The following UNC79 variants were observed in gnomAD, a reference collection of about 807,000 sequenced individuals.
UNC79 encodes the protein protein unc-79 homolog.
A neutral mutation model predicts 283.1 loss-of-function variants in UNC79; 37 were observed. The ratio of observed to expected loss-of-function variants is 0.13; its 90% CI spans 0.10 to 0.17. The LOEUF is 0.17. Among genes scored for constraint, UNC79 ranks in the 10% least tolerant of loss-of-function variants. UNC79 has a pLI of 1.00. For missense variants in UNC79, 2,272 were observed against 3,211.1 expected (o/e 0.71, Z 7.07); for synonymous variants, 1,107 against 1,200.2 (o/e 0.92, Z 1.61).
intron 47 of UNC79, among the ~76,000 whole-genome samples, chr14:93,699,849 C>T (rs2075401017): frequency 6.6e-6 from 1 of 152,062 alleles, no homozygotes; most frequent in Non-Finnish European, 1.5e-5. Context: ...GCTATAATTG[C>T]CATATTTATA....
At chr14:93,624,839 G>A (rs1054426943) in intron 30 of UNC79, among the ~76,000 whole-genome samples, 3 of 152,070 alleles carry the variant, frequency 2.0e-5, no homozygotes, top group African/African-American at 4.8e-5. Context: ...CCATCATCAG[G>A]AGTGAGGGAG....
At chr14:93,451,140 T>C (rs1308110814) in intron 1 of UNC79, among the ~76,000 whole-genome samples, 1 of 152,116 alleles carries the variant, frequency 6.6e-6, no homozygotes, top group African/African-American at 2.4e-5. Flanking sequence ...AAGATAAAGT[T>C]TTCCTCTTCC....
chr14:93,387,660 A>G (rs1223109438), intron 1 of UNC79, among the ~76,000 whole-genome samples: 1 of 152,242 alleles, frequency 6.6e-6, no homozygotes, highest in Non-Finnish European at 1.5e-5. Flanking sequence ...GAACTAACAC[A>G]TGGTCCTTCC....
Position 93,583,621 on chromosome 14 carries a change from C to G in UNC79, c.2803+1277C>G, listed in dbSNP as rs183579786. Among the ~76,000 whole-genome samples the G allele has an allele frequency of 1.1e-4, 16 of 152,268 alleles. No homozygotes were observed. In the East Asian group the frequency reaches 2.5e-3, roughly 24 times the overall value. On this transcript the variant is annotated intron_variant, in intron 20 of 48. Transcript: ENST00000555664. ...AATTTGAAGGAATACCTGAGGTGAG[C>G]TGGTTCACTGGTTTTCGGTGTGCAC...
At chr14:93,529,611 G>C (rs1214814070) in intron 10 of UNC79, among the ~76,000 whole-genome samples, 2 of 152,176 alleles carry the variant, frequency 1.3e-5, no homozygotes, top group Non-Finnish European at 2.9e-5. Flanking sequence ...GGGATTTTCT[G>C]TATCTGTAAC....
At position 93,371,076 on chromosome 14, in the gene UNC79, A is replaced by C. The variant is rs187453593; in HGVS notation, c.-351+37553A>C. Among the ~76,000 whole-genome samples, 688 of 151,824 alleles carry C rather than the reference A, an allele frequency of 4.5e-3. 4 individuals are homozygous for C. The highest frequency in any genetic ancestry group is 5.3e-3 in the Non-Finnish European group (362 of 67,970). On this transcript the variant is annotated intron_variant, in intron 1 of 49. Transcript: ENST00000256339. ...ACCTCCTGCCAAAAACCAAAACAAA[A>C]CAAAACAACAACAACAAAACAGGGG... is the stretch of plus-strand genomic sequence containing the variant.
chr14:93,591,799 A>G (rs1010602817), intron 22 of UNC79, among the ~76,000 whole-genome samples: 3 of 152,226 alleles, frequency 2.0e-5, no homozygotes. Flanking sequence ...AAACACAATG[A>G]AAAAGACGCG....
At chr14:93,630,981 T>A in intron 31 of UNC79, 73 bp downstream of exon 33, 6 of 1,351,024 alleles carry the variant, frequency 4.4e-6, no homozygotes, top group Non-Finnish European at 6.3e-6. Flanking sequence ...TGTTTTCAAT[T>A]TTCCCAATCT....
intron 1 of UNC79, among the ~76,000 whole-genome samples, chr14:93,459,955 C>T (rs930812100): frequency 5.5e-5 from 6 of 109,646 alleles, no homozygotes; most frequent in African/African-American, 1.4e-4. Context: ...TAGGCATGAG[C>T]CACCGCGCCC....
At chr14:93,550,296 G>C (rs943519991) in intron 14 of UNC79, among the ~76,000 whole-genome samples, 4 of 151,966 alleles carry the variant, frequency 2.6e-5, no homozygotes, top group African/African-American at 9.7e-5. Context: ...AAGTCTCTGT[G>C]AGAGAGGAAA....
intron 46 of UNC79, 71 bp downstream of exon 49, chr14:93,692,017 C>T: frequency 5.2e-6 from 8 of 1,535,274 alleles, no homozygotes; most frequent in Non-Finnish European, 7.2e-6. Flanking sequence ...AATCCTCACA[C>T]TCCCTGTTTT....
chr14:93,375,835 A>G (rs780670286), intron 1 of UNC79, among the ~76,000 whole-genome samples: 3 of 152,210 alleles, frequency 2.0e-5, no homozygotes, highest in Non-Finnish European at 4.4e-5. Flanking sequence ...ACCACCTTCA[A>G]CATTGGGGAT....
intron 42 of UNC79, among the ~76,000 whole-genome samples, chr14:93,685,764 T>C (rs1278984931): frequency 2.0e-5 from 3 of 152,224 alleles, no homozygotes; most frequent in Non-Finnish European, 4.4e-5. Context: ...GTTTCTCTCA[T>C]ACGGCTTTGA....
In UNC79 at chr14:93,499,641, A is replaced by G. The variant is rs533138174; in HGVS notation, c.898+2355A>G. Among the ~76,000 whole-genome samples the G allele has an allele frequency of 5.3e-5, 8 of 152,262 alleles. No individual in the cohort carries two copies. In the East Asian group the frequency reaches 7.7e-4, roughly 15 times the overall value. On this transcript the variant is annotated intron_variant, in intron 7 of 48. Transcript: ENST00000555664. The stretch of plus-strand genomic sequence containing the variant: ...TAAAGAAAACATGAAAATCATTACT[A>G]TCTTGGAGCTTACATTCTAATTGTT...
intron 31 of UNC79, chr14:93,634,582 G>T: frequency 3.1e-6 from 5 of 1,614,162 alleles, no homozygotes; most frequent in Non-Finnish European, 4.2e-6. Flanking sequence ...AGTTAATGAA[G>T]CGGCAGCTGG....
chr14:93,462,403 G>A, intron 1 of UNC79, among the ~76,000 whole-genome samples: 1 of 152,364 alleles, frequency 6.6e-6, no homozygotes, highest in East Asian at 1.9e-4. Flanking sequence ...CCACACTAAG[G>A]AGGATTTGGG....
intron 14 of UNC79, among the ~76,000 whole-genome samples, chr14:93,551,142 C>T (rs1213246078): frequency 6.6e-6 from 1 of 152,130 alleles, no homozygotes; most frequent in African/African-American, 2.4e-5. Context: ...CTCCGCCTCC[C>T]GGGTTCATGC....
intron 30 of UNC79, among the ~76,000 whole-genome samples, chr14:93,628,444 T>C (rs1362977346): frequency 2.6e-5 from 4 of 152,248 alleles, no homozygotes; most frequent in Admixed American, 2.0e-4. Flanking sequence ...CTCCAGCCCC[T>C]ACCTGGTATC....
exon 35 of UNC79, chr14:93,646,641 A>G (rs1204067238): frequency 1.9e-6 from 3 of 1,613,766 alleles, no homozygotes; most frequent in South Asian, 1.1e-5. Context: ...CTAATCAAGC[A>G]GAAAGGTAAG....
Sources: allele counts gnomAD v4.1 joint callset (sites outside exome capture counted in the v4.1 genomes callset), GRCh38; gene constraint gnomAD v4.1.1; transcripts MANE v1.5; gene names NCBI Gene and HGNC (gene_info 2026-07-23, HGNC 2026-07-21).